Variants in EIF3E observed in about 807,000 individuals in gnomAD.
The protein encoded by EIF3E is eukaryotic translation initiation factor 3 subunit E.
EIF3E carries 25 observed loss-of-function variants against 59.3 expected under a neutral mutation model. The ratio of observed to expected loss-of-function variants is 0.42; its 90% confidence interval spans 0.31 to 0.59. The LOEUF (loss-of-function observed/expected upper bound fraction) is 0.59, where lower values mean the gene tolerates loss of function less well. Among genes scored for constraint, EIF3E ranks in the 20% least tolerant of loss-of-function variants. The probability of loss-of-function intolerance (pLI) is 0.15; values close to 1 mark genes in which losing one functional copy is unlikely to be tolerated. For missense variants in EIF3E, 317 were observed against 534.3 expected, an observed-to-expected ratio of 0.59 and a Z score of 4.01; for synonymous variants, 176 against 170.2, an observed-to-expected ratio of 1.03 and a Z score of -0.26.
intron 1 of EIF3E, among the ~76,000 whole-genome samples, chr8:108,246,924 T>C (rs1343228773): frequency 6.6e-6 from 1 of 152,258 alleles, no homozygotes; most frequent in East Asian, 1.9e-4. Context: ...TAAGCCTTCC[T>C]GTCAGCATTA....
chr8:108,233,374 C>G (rs927207943), intron 5 of EIF3E: 2 of 152,064 alleles, frequency 1.3e-5, no homozygotes, highest in African/African-American at 4.8e-5. Context: ...TTTTAATTTC[C>G]TAGAAAATAA....
At chr8:108,236,913 T>C (rs1049989128) in intron 3 of EIF3E, among the ~76,000 whole-genome samples, 5 of 151,864 alleles carry the variant, frequency 3.3e-5, no homozygotes, top group Admixed American at 1.3e-4. Context: ...TCCCAGCTAC[T>C]TGGGAGGCTG....
intron 8 of EIF3E, 122 bp downstream of exon 8, chr8:108,217,212 A>T: frequency 7.0e-6 from 5 of 713,140 alleles, no homozygotes; most frequent in Non-Finnish European, 1.1e-5. Context: ...AACTTCAAGT[A>T]TTCCTTCCAC....
At chr8:108,244,904 A>C (rs1266270332) in intron 1 of EIF3E, among the ~76,000 whole-genome samples, 1 of 151,886 alleles carries the variant, frequency 6.6e-6, no homozygotes, top group East Asian at 1.9e-4. Flanking sequence ...GTGCTTCTCT[A>C]AATGGCATTT....
At chr8:108,242,749 A>G in intron 1 of EIF3E, 1 of 891,340 alleles carries the variant, frequency 1.1e-6, no homozygotes, top group Non-Finnish European at 1.4e-6. Context: ...AAAGATAGGC[A>G]CTTCGCAAAA....
intron 10 of EIF3E, among the ~76,000 whole-genome samples, chr8:108,214,022 T>G (rs938916005): frequency 3.9e-5 from 6 of 152,366 alleles, no homozygotes; most frequent in South Asian, 2.1e-4. Flanking sequence ...TTTTTCAAAC[T>G]GTAATGTGTA....
intron 7 of EIF3E, 146 bp from the exon 8 acceptor site, chr8:108,217,606 A>T (rs1815328513): frequency 1.6e-6 from 1 of 616,416 alleles, no homozygotes; most frequent in South Asian, 3.1e-5. Context: ...TCCTCCAAGG[A>T]AATTTAAAAA....
In EIF3E at chr8:108,239,945, A is replaced by C. The variant is rs777132000; in HGVS notation, c.323+13T>G. 6.3e-7 allele frequency: 1 copy of C among 1,592,162 alleles called. No homozygotes were observed. Among genetic ancestry groups the C allele is most frequent in the South Asian group, 1.1e-5 (1 of 90,478 alleles). On this transcript the variant is annotated intron_variant, in intron 3 of 12. Transcript: ENST00000220849. ...AGGAGAATTTTTAGAATTCAAAATT[A>C]AGACGAGTTTACCTGGTTGACTGCA...
intron 7 of EIF3E, among the ~76,000 whole-genome samples, chr8:108,223,633 T>A (rs774277619): frequency 4.6e-5 from 7 of 152,188 alleles, no homozygotes; most frequent in Admixed American, 4.6e-4. Context: ...GGCATTGTAT[T>A]ACAAATGGAT....
chr8:108,247,788 G>T (rs1563640308), intron 1 of EIF3E, among the ~76,000 whole-genome samples: 1 of 152,100 alleles, frequency 6.6e-6, no homozygotes, highest in African/African-American at 2.4e-5. Flanking sequence ...TTATTAAAAT[G>T]CATCAATTTC....
intron 10 of EIF3E, among the ~76,000 whole-genome samples, chr8:108,211,588 T>C (rs188862254): frequency 5.4e-4 from 83 of 152,336 alleles, no homozygotes; most frequent in Non-Finnish European, 1.0e-3. Context: ...TCTAACCCAC[T>C]AAAGCATCCT....
chr8:108,239,398 C>CG (rs1215207323), intron 3 of EIF3E, among the ~76,000 whole-genome samples: 1 of 152,128 alleles, frequency 6.6e-6, no homozygotes, highest in Non-Finnish European at 1.5e-5. Flanking sequence ...TAGAGGGTTT[C>CG]GCCATGTTGC....
chr8:108,202,157 T>C (rs1255468684), intron 12 of EIF3E, among the ~76,000 whole-genome samples: 1 of 152,002 alleles, frequency 6.6e-6, no homozygotes, highest in Non-Finnish European at 1.5e-5. Context: ...GCAATAACAG[T>C]ATCATTAATA....
At chr8:108,217,736 G>A (rs973550617) in intron 7 of EIF3E, among the ~76,000 whole-genome samples, 1 of 152,122 alleles carries the variant, frequency 6.6e-6, no homozygotes, top group Admixed American at 6.6e-5. Context: ...TGAGTAACAG[G>A]ATTTTGCAAG....
chr8:108,234,017 C>G (rs1423935126), intron 5 of EIF3E, among the ~76,000 whole-genome samples: 1 of 151,904 alleles, frequency 6.6e-6, no homozygotes, highest in African/African-American at 2.4e-5. Context: ...CGAAGTACAT[C>G]AATTTGAAGG....
chr8:108,246,141 A>G lies in EIF3E; in HGVS notation c.90+2472T>C, dbSNP rs1815943343. ...ATGATTCATGTCCCAGTTTTAAGCA[A>G]GAGAGCGAGACAGATTTCATCCTAC... On this transcript the variant is annotated intron_variant, in intron 1 of 12. Coordinates refer to ENST00000220849, the MANE Select transcript of EIF3E (RefSeq NM_001568.3). 2.6e-5 allele frequency among the ~76,000 whole-genome samples: 4 copies of G among 152,192 alleles called. No individual in the cohort carries two copies. The South Asian group carries it at 8.3e-4, about 31-fold the overall frequency.
chr8:108,243,114 T>C (rs941226516), intron 1 of EIF3E, among the ~76,000 whole-genome samples: 12 of 152,210 alleles, frequency 7.9e-5, no homozygotes, highest in Non-Finnish European at 1.8e-4. Context: ...ATACTCATAA[T>C]AGATTAACAT....
At chr8:108,229,751 AAGTT>A (rs1815586539) in intron 5 of EIF3E, among the ~76,000 whole-genome samples, 1 of 152,186 alleles carries the variant, frequency 6.6e-6, no homozygotes, top group African/African-American at 2.4e-5. Flanking sequence ...TGAGCAATAC[AAGTT>A]AGTGTTCTCC....
intron 1 of EIF3E, among the ~76,000 whole-genome samples, chr8:108,248,271 T>C (rs1815986787): frequency 6.6e-6 from 1 of 152,102 alleles, no homozygotes; most frequent in African/African-American, 2.4e-5. Flanking sequence ...CCAGGTTGCT[T>C]TTACAAGCCA....
Sources: allele counts gnomAD v4.1 joint callset (sites outside exome capture counted in the v4.1 genomes callset), GRCh38; gene constraint gnomAD v4.1.1; transcripts MANE v1.5; gene names NCBI Gene and HGNC (gene_info 2026-07-23, HGNC 2026-07-21).